DCDC1: variants seen among roughly 807,000 people sequenced by gnomAD.
The protein encoded by DCDC1 is doublecortin domain containing 1.
A neutral mutation model predicts 178.3 loss-of-function variants in DCDC1; 200 were observed. The ratio of observed to expected loss-of-function variants is 1.12; its 90% CI spans 1.00 to 1.26. DCDC1 has a LOEUF of 1.26. DCDC1 is among the 50% of genes most tolerant of loss of function. The pLI is 0.00. For missense variants in DCDC1, 1,983 were observed against 1,749.2 expected (o/e 1.13, Z -2.38); for synonymous variants, 690 against 604.8 (o/e 1.14, Z -2.07).
chr11:30,882,861 T>TTGTG (rs1942811359), intron 36 of DCDC1: 1 of 152,206 alleles, frequency 6.6e-6, no homozygotes, highest in African/African-American at 2.4e-5. Context: ...AGTATCTGTG[T>TTGTG]TGTGTTACCC....
At chr11:30,961,745 GA>G (rs1336458726) in intron 20 of DCDC1, among the ~76,000 whole-genome samples, 1 of 151,456 alleles carries the variant, frequency 6.6e-6, no homozygotes, top group Non-Finnish European at 1.5e-5. Context: ...CTCCATCTCT[GA>G]AAAAAAGGAA....
At chr11:31,367,970 T>G (rs558683334) in intron 1 of DCDC1, among the ~76,000 whole-genome samples, 1 of 152,292 alleles carries the variant, frequency 6.6e-6, no homozygotes, top group Non-Finnish European at 1.5e-5. Flanking sequence ...TGCTATAATT[T>G]AAAAGATATT....
chr11:31,297,084 G>C (rs1032886715), intron 6 of DCDC1, among the ~76,000 whole-genome samples: 1 of 152,198 alleles, frequency 6.6e-6, no homozygotes, highest in Admixed American at 6.5e-5. Context: ...CTGACAGCCA[G>C]GGTAAGCATT....
At chr11:30,904,166 T>G (rs1944899172) in intron 31 of DCDC1, 1 of 152,246 alleles carries the variant, frequency 6.6e-6, no homozygotes, top group African/African-American at 2.4e-5. Flanking sequence ...TCCAAGACCA[T>G]AAAAGCCAGC....
intron 3 of DCDC1, among the ~76,000 whole-genome samples, chr11:31,309,296 G>A (rs1209564602): frequency 1.3e-5 from 2 of 151,930 alleles, no homozygotes; most frequent in Non-Finnish European, 2.9e-5. Context: ...ACAGTACTGG[G>A]GAGAGGAGCA....
intron 20 of DCDC1, among the ~76,000 whole-genome samples, chr11:31,060,342 T>A (rs986583482): frequency 1.4e-4 from 21 of 152,082 alleles, no homozygotes; most frequent in African/African-American, 5.1e-4. Flanking sequence ...TAAACAATTA[T>A]CTTAGGGCAT....
At chr11:31,245,464 T>C (rs576326888) in intron 8 of DCDC1, among the ~76,000 whole-genome samples, 9 of 151,920 alleles carry the variant, frequency 5.9e-5, no homozygotes, top group Admixed American at 4.6e-4. Flanking sequence ...AAAAATTTGA[T>C]CTGAATTTGT....
At chr11:31,203,057 G>T (rs961072146) in intron 9 of DCDC1, among the ~76,000 whole-genome samples, 2 of 152,056 alleles carry the variant, frequency 1.3e-5, no homozygotes, top group East Asian at 3.9e-4. Flanking sequence ...TGAGCACAGA[G>T]GAAAGGAGGA....
chr11:30,871,778 T>C (rs888728110), intron 38 of DCDC1, among the ~76,000 whole-genome samples: 1 of 152,116 alleles, frequency 6.6e-6, no homozygotes, highest in African/African-American at 2.4e-5. Flanking sequence ...GGGTGGTTAG[T>C]TCTGACTCAA....
rs1951053871 is a variant in DCDC1, at chr11:30,992,651, T to C, written c.2592-40083A>G. On this transcript the variant is annotated intron_variant, in intron 20 of 38. Transcript: ENST00000684477. Reference sequence around the variant, plus strand: ...TCAGAAGGTATACTGTAAAGATACATGGAGAGGCCATGATGGTACTGAGAG... The same window carrying C: ...TCAGAAGGTATACTGTAAAGATACACGGAGAGGCCATGATGGTACTGAGAG... The C allele has an allele frequency of 2.6e-5, 4 of 152,258 alleles. No homozygotes were observed. The South Asian group carries it at 6.2e-4, about 24-fold the overall frequency. The allele number at this position is 152,258 out of a possible 1,614,324, so 9.4% of individuals were successfully genotyped here.
intron 33 of DCDC1, 107 bp downstream of exon 33, chr11:30,900,239 T>A: frequency 9.9e-7 from 1 of 1,011,312 alleles, no homozygotes; most frequent in Non-Finnish European, 1.3e-6. Context: ...GTGATGTTAT[T>A]ATGTTGATAT....
chr11:31,058,802 T>C (rs557408224), intron 20 of DCDC1, among the ~76,000 whole-genome samples: 13 of 152,126 alleles, frequency 8.5e-5, no homozygotes, highest in Non-Finnish European at 1.3e-4. Context: ...AGCTAATCTA[T>C]AGATCATTTT....
At chr11:31,059,389 A>G (rs1955792296) in intron 20 of DCDC1, among the ~76,000 whole-genome samples, 3 of 152,098 alleles carry the variant, frequency 2.0e-5, no homozygotes, top group African/African-American at 7.2e-5. Context: ...ACAAAATTAT[A>G]CCTTCACAAT....
intron 20 of DCDC1, among the ~76,000 whole-genome samples, chr11:30,992,886 T>C (rs1951068782): frequency 1.3e-5 from 2 of 152,170 alleles, no homozygotes; most frequent in Non-Finnish European, 2.9e-5. Flanking sequence ...TTATATTCTA[T>C]GAAGAAGGTG....
At chr11:31,137,443 G>A (rs1050869986) in intron 10 of DCDC1, among the ~76,000 whole-genome samples, 16 of 150,418 alleles carry the variant, frequency 1.1e-4, no homozygotes, top group Admixed American at 6.7e-4. Flanking sequence ...TCTGCCTCCC[G>A]GGTTCAAGCG....
chr11:30,930,773 G>A (rs2134310146), intron 22 of DCDC1, among the ~76,000 whole-genome samples: 1 of 152,144 alleles, frequency 6.6e-6, no homozygotes, highest in African/African-American at 2.4e-5. Context: ...GTTAACTTTG[G>A]GTGTTACTTT....
At chr11:30,929,310 G>A (rs757247667) in intron 22 of DCDC1, among the ~76,000 whole-genome samples, 5 of 152,092 alleles carry the variant, frequency 3.3e-5, no homozygotes, top group Non-Finnish European at 7.4e-5. Context: ...TGGAACATAA[G>A]CAGATAATCA....
Position 30,914,605 on chromosome 11 carries a change from C to T in DCDC1, c.3653+906G>A, listed in dbSNP as rs367829901. Among the ~76,000 whole-genome samples, 126 of 118,256 alleles carry T rather than the reference C, an allele frequency of 1.1e-3. 1 individual carries two copies. The highest frequency in any genetic ancestry group is 3.7e-3 in the African/African-American group (114 of 30,918). 77.6% of individuals were successfully genotyped at this position (118,256 alleles called of 152,430 possible). A position where few individuals can be genotyped will look rare whatever the true frequency, so the allele number is the denominator to read the frequency against. On this transcript the variant is annotated intron_variant, in intron 27 of 38. Coordinates refer to ENST00000684477, the MANE Select transcript of DCDC1 (RefSeq NM_001387274.1). ...ACAGGGAATTGTTTTCTTTTTTGTT[C>T]GATTAAAGAAATGTTCCATATGCAC...
chr11:30,977,471 A>T (rs2134751579), intron 20 of DCDC1, among the ~76,000 whole-genome samples: 2 of 152,358 alleles, frequency 1.3e-5, no homozygotes, highest in South Asian at 4.1e-4. Context: ...TAGCAATAAA[A>T]ATTAGTTTAT....
Sources: allele counts gnomAD v4.1 joint callset (sites outside exome capture counted in the v4.1 genomes callset), GRCh38; gene constraint gnomAD v4.1.1; transcripts MANE v1.5; gene names NCBI Gene and HGNC (gene_info 2026-07-23, HGNC 2026-07-21).